USP13: variants seen among roughly 807,000 people sequenced by gnomAD.
USP13 encodes the protein ubiquitin carboxyl-terminal hydrolase 13.
Under a neutral mutation model 107.8 loss-of-function variants are expected in USP13, and 68 were observed. The ratio of observed to expected loss-of-function variants is 0.63; its 90% confidence interval spans 0.52 to 0.77. The LOEUF (loss-of-function observed/expected upper bound fraction) is 0.77, where lower values mean the gene tolerates loss of function less well. Ranked by LOEUF, USP13 falls within the 30% of genes least tolerant of loss-of-function variation. USP13 has a pLI of 0.00. For synonymous variants in USP13, 377 were observed against 389.5 expected, an observed-to-expected ratio of 0.97 and a Z score of 0.38; for missense variants, 945 against 1,093.3, an observed-to-expected ratio of 0.86 and a Z score of 1.91.
rs768010948 is a variant in USP13 at position 179,708,883 on chromosome 3, A to G, written c.731A>G (p.His244Arg). The part of the protein sequence containing the change: ...WFFDSSGGNG[H>R]ALEHYRDMGY... ...TTTGACAGCTCTGGGGGCAACGGGCATGCGCTGGAGCATTACAGAGACATG... is the reference window on the plus strand; with the variant it reads ...TTTGACAGCTCTGGGGGCAACGGGCGTGCGCTGGAGCATTACAGAGACATG... The change falls in exon 6 of 21, where the codon CAT becomes CGT. Residue 244 changes from histidine to arginine, a missense_variant. By Grantham distance (29) the His-to-Arg change is conservative. Coordinates refer to ENST00000263966, the MANE Select transcript of USP13 (RefSeq NM_003940.3). 6.2e-7 allele frequency: 1 copy of G among 1,613,984 alleles called. No homozygotes were observed. Among genetic ancestry groups the G allele is most frequent in the African/African-American group, 1.3e-5 (1 of 74,882 alleles).
chr3:179,659,550 T>C (rs569733857), intron 1 of USP13, among the ~76,000 whole-genome samples: 1 of 152,294 alleles, frequency 6.6e-6, no homozygotes, highest in Admixed American at 6.5e-5. Context: ...CTAGGTGCCA[T>C]GCATCATTCC....
intron 1 of USP13, among the ~76,000 whole-genome samples, chr3:179,676,032 T>C (rs1405084080): frequency 6.6e-6 from 1 of 152,224 alleles, no homozygotes; most frequent in Admixed American, 6.5e-5. Context: ...ATGGGGTTGG[T>C]AACCCCCATC....
chr3:179,758,806 T>G (rs1387814664), intron 16 of USP13, among the ~76,000 whole-genome samples: 1 of 149,152 alleles, frequency 6.7e-6, no homozygotes, highest in African/African-American at 2.5e-5. Flanking sequence ...CCCTTAAAAT[T>G]TTTAAAAGAA....
At chr3:179,765,643 A>AG (rs1715147738) in intron 18 of USP13, 52 bp from the exon 19 acceptor site, 1 of 1,592,688 alleles carries the variant, frequency 6.3e-7, no homozygotes, top group African/African-American at 1.3e-5. Context: ...GGACATAGTG[A>AG]GGCCTGAGGC....
intron 19 of USP13, among the ~76,000 whole-genome samples, chr3:179,766,255 GGCATGA>G (rs1715172816): frequency 6.6e-6 from 1 of 152,018 alleles, no homozygotes; most frequent in Admixed American, 6.6e-5. Flanking sequence ...TGGGATTACA[GGCATGA>G]GCCACCATGC....
rs754170471 is a variant in USP13 at position 179,653,433 on chromosome 3, G to C, written c.168+40G>C. On this transcript the variant is annotated intron_variant, in intron 1 of 20. Transcript: ENST00000263966. The surrounding 1 kb of genome is among the most constrained non-coding windows in gnomAD (Gnocchi z 4.0). ...TCGGGGGAGGGTCGCGGGGCCGGCG[G>C]CCTGCGGCACGTGAAGCCGGGGGAG... 4 of 1,535,230 alleles carry C rather than the reference G, an allele frequency of 2.6e-6. No homozygotes were observed. The African/African-American group carries it at 5.5e-5, about 21-fold the overall frequency.
At chr3:179,770,609 AT>A (rs34708974) in intron 19 of USP13, among the ~76,000 whole-genome samples, 5,689 of 145,538 alleles carry the variant, frequency 0.039, 355 homozygotes, top group African/African-American at 0.13. Flanking sequence ...TGACTTGAGA[AT>A]TTTTTTTTTT....
chr3:179,706,849 C>A, intron 4 of USP13, 85 bp from the exon 5 acceptor site: 1 of 1,438,036 alleles, frequency 7.0e-7, no homozygotes, highest in Non-Finnish European at 9.3e-7. Flanking sequence ...TTTTTAAATT[C>A]ATATTCTAGT....
At chr3:179,783,982 G>T (rs1000214986) in intron 20 of USP13, 66 bp from the exon 21 acceptor site, 62 of 1,304,206 alleles carry the variant, frequency 4.8e-5, no homozygotes, top group Middle Eastern at 3.7e-4. Context: ...ATGATTTAGT[G>T]ACTTCTTTGT....
At chr3:179,697,482 A>C (rs1174401051) in intron 3 of USP13, among the ~76,000 whole-genome samples, 1 of 152,166 alleles carries the variant, frequency 6.6e-6, no homozygotes, top group African/African-American at 2.4e-5. Flanking sequence ...ATCTTGGGGA[A>C]ATGGGTAGTC....
intron 1 of USP13, among the ~76,000 whole-genome samples, chr3:179,656,146 T>C (rs1363437512): frequency 1.3e-5 from 2 of 152,220 alleles, no homozygotes; most frequent in African/African-American, 4.8e-5. Context: ...CCAGGGAAAT[T>C]ATATGTGCAA....
At chr3:179,719,132 T>C (rs1195917150) in intron 6 of USP13, among the ~76,000 whole-genome samples, 2 of 152,112 alleles carry the variant, frequency 1.3e-5, no homozygotes, top group Non-Finnish European at 2.9e-5. Context: ...TGGGATATTA[T>C]TATCCGGAGG....
intron 1 of USP13, among the ~76,000 whole-genome samples, chr3:179,670,185 T>A (rs1435803234): frequency 6.6e-6 from 1 of 152,200 alleles, no homozygotes. Context: ...CTCAGCCTCC[T>A]AGAGACAACC....
intron 13 of USP13, among the ~76,000 whole-genome samples, chr3:179,748,189 G>A (rs1714476492): frequency 6.6e-6 from 1 of 152,206 alleles, no homozygotes; most frequent in African/African-American, 2.4e-5. Context: ...TAATTGGCCA[G>A]TAAGTGGCAG....
chr3:179,767,617 A>G (rs1715219828), intron 19 of USP13, among the ~76,000 whole-genome samples: 1 of 152,066 alleles, frequency 6.6e-6, no homozygotes. Context: ...TGGAGGTATC[A>G]AGTTGATCTT....
chr3:179,731,301 C>T (rs1713797001), intron 10 of USP13, among the ~76,000 whole-genome samples: 1 of 152,172 alleles, frequency 6.6e-6, no homozygotes, highest in Non-Finnish European at 1.5e-5. Flanking sequence ...ATCCCAGTTA[C>T]TCAGGAAGCT....
At chr3:179,660,140 G>T (rs946621993) in intron 1 of USP13, among the ~76,000 whole-genome samples, 1 of 152,194 alleles carries the variant, frequency 6.6e-6, no homozygotes, top group African/African-American at 2.4e-5. Flanking sequence ...CGTTTTAATT[G>T]TACAATTCAG....
In USP13 at chr3:179,745,109, T is replaced by C. The variant is rs1317731852; in HGVS notation, c.1601T>C (p.Leu534Ser). 3 of 1,614,176 alleles carry C rather than the reference T, an allele frequency of 1.9e-6. No individual in the cohort carries two copies. Among genetic ancestry groups the C allele is most frequent in the South Asian group, 1.1e-5 (1 of 91,090 alleles). Reference protein sequence around the residue: ...AEANRRPLPELVRAKIPFSAC... With the variant: ...AEANRRPLPESVRAKIPFSAC... ...GCAAACAGAAGACCCCTTCCTGAGT[T>C]GGTACGTGCCAAGATACCATTTAGT... Residue 534 changes from leucine (L) to serine (S), a missense_variant, in exon 13 of 21, where the codon TTG (leucine) becomes TCG (serine). Leu to Ser is a moderately radical substitution (Grantham distance 145). Coordinates refer to ENST00000263966, the MANE Select transcript of USP13 (RefSeq NM_003940.3).
rs977119667 is a variant in USP13, at chr3:179,744,922, C to T, written c.1535-121C>T. The T allele has an allele frequency of 2.4e-5, 30 of 1,248,302 alleles. 1 individual carries two copies. Among genetic ancestry groups the T allele is most frequent in the East Asian group, 9.7e-5 (4 of 41,244 alleles). 77.3% of individuals were successfully genotyped at this position (1,248,302 alleles called of 1,614,324 possible). A position where few individuals can be genotyped will look rare whatever the true frequency, so the allele number is the denominator to read the frequency against. The stretch of plus-strand genomic sequence containing the variant: ...CAGGGGCATCTGGCTCTGTAAAGGG[C>T]GACAAATAAGCAACTCTGGCCCAGC... On this transcript the variant is annotated intron_variant, in intron 12 of 20. Transcript: ENST00000263966.
Sources: gnomAD v4.1 joint callset for allele counts (sites outside exome capture counted in the v4.1 genomes callset) on GRCh38, gnomAD v4.1.1 for gene constraint, Gnocchi (gnomAD v3.1) non-coding constraint, MANE v1.5 for transcripts, NCBI Gene and HGNC (gene_info 2026-07-23, HGNC 2026-07-21) for gene names.